The following CACNA1G variants were observed in gnomAD, a reference collection of about 807,000 sequenced individuals.
The protein encoded by CACNA1G is calcium voltage-gated channel subunit alpha1 G.
A neutral mutation model predicts 219.4 loss-of-function variants in CACNA1G; 67 were observed. The observed-to-expected ratio is 0.31, with a 90% confidence interval of 0.25 to 0.37. CACNA1G has a LOEUF of 0.37. Among genes scored for constraint, CACNA1G ranks in the 10% least tolerant of loss-of-function variants. CACNA1G has a pLI of 1.00. For missense variants in CACNA1G, 2,380 were observed against 3,231.4 expected, an observed-to-expected ratio of 0.74 and a Z score of 6.39; for synonymous variants, 1,296 against 1,345.3, an observed-to-expected ratio of 0.96 and a Z score of 0.80.
At chr17:50,593,000 G>T (rs1205968694) in intron 13 of CACNA1G, among the ~76,000 whole-genome samples, 1 of 152,216 alleles carries the variant, frequency 6.6e-6, no homozygotes, top group Non-Finnish European at 1.5e-5. Flanking sequence ...GGCTGGGTTG[G>T]TGGGGTGCAG....
intron 24 of CACNA1G, 176 bp from the exon 25 acceptor site, chr17:50,607,651 T>C: frequency 1.7e-6 from 1 of 597,456 alleles, no homozygotes; most frequent in South Asian, 2.1e-5. Flanking sequence ...TACTCTCCCC[T>C]TTACCACAGT....
chr17:50,592,775 C>A (rs2044619458), intron 13 of CACNA1G, among the ~76,000 whole-genome samples: 1 of 152,198 alleles, frequency 6.6e-6, no homozygotes, highest in Non-Finnish European at 1.5e-5. Context: ...AGACCCACCC[C>A]AGCTTGCTGG....
At position 50,626,948 on chromosome 17, in the gene CACNA1G, TC is replaced by T; in HGVS notation, c.*199del. On this transcript the variant is annotated 3_prime_UTR_variant, in exon 38 of 38. Transcript: ENST00000359106. The surrounding 1 kb of genome is among the most constrained non-coding windows in gnomAD (Gnocchi z 4.3). ...AAGCAGCAGCCCCGGCAACTCTGGC[TC>T]CAGGCAGAAGGAGAGGCCCGGTGCA... 1 of 744,412 alleles carries T rather than the reference TC, an allele frequency of 1.3e-6. No homozygotes were observed. The allele number at this position is 744,412 out of a possible 1,614,324, so 46.1% of individuals were successfully genotyped here.
At position 50,626,668 on chromosome 17, in the gene CACNA1G, A is replaced by AAT; in HGVS notation, c.7051_7052insAT (p.Ser2351AsnfsTer14). 6.2e-7 allele frequency: 1 copy of AAT among 1,612,946 alleles called. No individual in the cohort carries two copies. The highest frequency in any genetic ancestry group is 8.5e-7 in the Non-Finnish European group (1 of 1,179,780). ...TCCCTTGGCCTCTGGCCCCCCTGAC[A>AAT]GCATGGCTGCCTCGCCCTCCCCAAA... On this transcript the variant is annotated frameshift_variant, in exon 38 of 38. Coordinates refer to ENST00000359106, the MANE Select transcript of CACNA1G (RefSeq NM_018896.5). LOFTEE classifies it high-confidence loss of function. The surrounding 1 kb of genome is among the most constrained non-coding windows in gnomAD (Gnocchi z 4.3).
At chr17:50,567,866 A>C (rs914228889) in intron 1 of CACNA1G, among the ~76,000 whole-genome samples, 8 of 152,006 alleles carry the variant, frequency 5.3e-5, no homozygotes, top group African/African-American at 1.9e-4. Context: ...GTATGGAAAG[A>C]CCCAGGGTTT....
chr17:50,573,654 A>G (rs1426640345), intron 7 of CACNA1G: 2 of 152,486 alleles, frequency 1.3e-5, no homozygotes, highest in African/African-American at 4.8e-5. Context: ...GCTTGCAAAT[A>G]AAGAATTATT....
intron 1 of CACNA1G, among the ~76,000 whole-genome samples, chr17:50,566,305 G>A (rs1652263884): frequency 1.4e-5 from 2 of 142,066 alleles, no homozygotes; most frequent in African/African-American, 2.6e-5. Flanking sequence ...AAGGGTGAAA[G>A]ACCCCCCCCC....
At chr17:50,595,227 C>T (rs2045281021) in intron 14 of CACNA1G, among the ~76,000 whole-genome samples, 166 bp downstream of exon 14, 1 of 152,208 alleles carries the variant, frequency 6.6e-6, no homozygotes, top group African/African-American at 2.4e-5. Flanking sequence ...TAAGTCCCTT[C>T]CCCCTTGAGG....
chr17:50,569,729 T>G lies in CACNA1G; in HGVS notation c.512T>G (p.Leu171Arg). The part of the protein sequence containing the change: ...IAGMLEYSLD[L>R]QNVSFSAVRT... Reference sequence around the variant, plus strand: ...AGGATGCTGGAGTACTCGCTGGACCTGCAGAACGTCAGCTTCTCAGCTGTC... The same window carrying G: ...AGGATGCTGGAGTACTCGCTGGACCGGCAGAACGTCAGCTTCTCAGCTGTC... The change falls in exon 4 of 38, where the codon CTG becomes CGG. Residue 171 changes from leucine (L) to arginine (R), a missense_variant. Leu to Arg is a moderately radical substitution (Grantham distance 102, BLOSUM62 -2). Coordinates refer to ENST00000359106, the MANE Select transcript of CACNA1G (RefSeq NM_018896.5). 1 of 1,550,832 alleles carries G rather than the reference T, an allele frequency of 6.4e-7. No individual in the cohort carries two copies. Among genetic ancestry groups the G allele is most frequent in the East Asian group, 2.4e-5 (1 of 40,918 alleles).
intron 35 of CACNA1G, among the ~76,000 whole-genome samples, chr17:50,622,499 TCC>T (rs941278793): frequency 1.3e-5 from 2 of 152,002 alleles, no homozygotes; most frequent in Non-Finnish European, 2.9e-5. Context: ...GGCTGGGGTG[TCC>T]CTAGGGGTCT....
Position 50,624,036 on chromosome 17 carries a change from C to A in CACNA1G, c.6190C>A (p.Leu2064Met), listed in dbSNP as rs2052965692. ...GCATGGGAGCACTGCCGAGGGGCCCCTGGGACACAGGGGCTGGGGGCTCCC... is the reference window on the plus strand; with the variant it reads ...GCATGGGAGCACTGCCGAGGGGCCCATGGGACACAGGGGCTGGGGGCTCCC... ...CRHGSTAEGP[L>M]GHRGWGLPKA... Residue 2064 changes from leucine (L) to methionine (M), a missense_variant, in exon 36 of 38, where the codon CTG becomes ATG. Coordinates refer to ENST00000359106, the MANE Select transcript of CACNA1G (RefSeq NM_018896.5). The A allele has an allele frequency of 1.2e-6, 2 of 1,612,662 alleles. No individual in the cohort carries two copies. The highest frequency in any genetic ancestry group is 2.7e-5 in the African/African-American group (2 of 74,964).
intron 25 of CACNA1G, among the ~76,000 whole-genome samples, chr17:50,608,294 G>A (rs904106439): frequency 3.9e-5 from 6 of 152,094 alleles, no homozygotes; most frequent in Non-Finnish European, 8.8e-5. Flanking sequence ...GCCAAATGGA[G>A]GTTGACACCC....
At chr17:50,612,525 C>T (rs1006108942) in intron 26 of CACNA1G, among the ~76,000 whole-genome samples, 2 of 152,240 alleles carry the variant, frequency 1.3e-5, no homozygotes, top group African/African-American at 4.8e-5. Context: ...TCCACCAGGC[C>T]GGGACCCAGT....
At chr17:50,598,092 C>G (rs758196920) in intron 16 of CACNA1G, among the ~76,000 whole-genome samples, 18 of 152,178 alleles carry the variant, frequency 1.2e-4, no homozygotes, top group Non-Finnish European at 2.1e-4. Context: ...GGCACGATCT[C>G]AACTCACTGC....
chr17:50,576,353 G>A (rs977158746), intron 8 of CACNA1G, 27 bp downstream of exon 8: 6 of 1,556,298 alleles, frequency 3.9e-6, no homozygotes, highest in Admixed American at 1.9e-5. Context: ...GAGGCATGTG[G>A]GTGCCCTCGT....
Position 50,626,539 on chromosome 17 carries a change from C to T in CACNA1G, c.6922C>T (p.Pro2308Ser), listed in dbSNP as rs377748555. The change falls in exon 38 of 38, where the codon CCG becomes TCG. Residue 2308 changes from proline (P) to serine (S), a missense_variant. Coordinates refer to ENST00000359106, the MANE Select transcript of CACNA1G (RefSeq NM_018896.5). This position sits in a 1 kb window ranked among gnomAD's most constrained non-coding sequence, Gnocchi z 4.3. ...PGSRPKKKLS[P>S]PSITIDPPES... is the part of the protein sequence containing the mutation. ...GAGCCGGCCCAAGAAAAAACTCAGC[C>T]CGCCTAGTATCACCATAGACCCCCC... is the stretch of plus-strand genomic sequence containing the variant. 1.9e-6 allele frequency: 3 copies of T among 1,575,192 alleles called. No individual in the cohort carries two copies. Among genetic ancestry groups the T allele is most frequent in the Non-Finnish European group, 2.6e-6 (3 of 1,162,772 alleles).
At chr17:50,567,843 C>A (rs2144583527) in intron 1 of CACNA1G, among the ~76,000 whole-genome samples, 1 of 152,260 alleles carries the variant, frequency 6.6e-6, no homozygotes, top group East Asian at 1.9e-4. Flanking sequence ...TGAGTCACCC[C>A]ATAGAATCCA....
Position 50,569,027 on chromosome 17 carries a change from G to C in CACNA1G, c.354+46G>C, listed in dbSNP as rs775015926. 11 of 924,696 alleles carry C rather than the reference G, an allele frequency of 1.2e-5. No homozygotes were observed. In the African/African-American group the frequency reaches 1.8e-4, roughly 16 times the overall value. The allele number at this position is 924,696 out of a possible 1,614,324, so 57.3% of individuals were successfully genotyped here. A position where few individuals can be genotyped will look rare whatever the true frequency, so the allele number is the denominator to read the frequency against. Reference sequence around the variant, plus strand: ...GTGTGTGTGTGTGTTGTGTGTGTTGGGGGTTGGCCCCTCTTAATCTTAATA... The same window carrying C: ...GTGTGTGTGTGTGTTGTGTGTGTTGCGGGTTGGCCCCTCTTAATCTTAATA... On this transcript the variant is annotated intron_variant, in intron 2 of 37. Coordinates refer to ENST00000359106, the MANE Select transcript of CACNA1G (RefSeq NM_018896.5).
At chr17:50,604,920 G>A (rs1292208853) in intron 22 of CACNA1G, among the ~76,000 whole-genome samples, 2 of 152,166 alleles carry the variant, frequency 1.3e-5, no homozygotes, top group African/African-American at 4.8e-5. Flanking sequence ...GGCAGCGTGG[G>A]AGCCCCTGGG....
Sources: allele counts gnomAD v4.1 joint callset (sites outside exome capture counted in the v4.1 genomes callset), GRCh38; gene constraint gnomAD v4.1.1; non-coding constraint Gnocchi (gnomAD v3.1); transcripts MANE v1.5; gene names NCBI Gene and HGNC (gene_info 2026-07-23, HGNC 2026-07-21).